Variants in GALNT13 observed in about 807,000 individuals in gnomAD.
The protein encoded by GALNT13 is polypeptide N-acetylgalactosaminyltransferase 13.
Under a neutral mutation model 64.2 loss-of-function variants are expected in GALNT13, and 28 were observed. That is an observed-to-expected ratio of 0.44 (90% confidence interval 0.32 to 0.60). GALNT13 has a LOEUF of 0.60. Among genes scored for constraint, GALNT13 ranks in the 20% least tolerant of loss-of-function variants. The probability of loss-of-function intolerance (pLI) is 0.05; values close to 1 mark genes in which losing one functional copy is unlikely to be tolerated. For missense variants in GALNT13, 577 were observed against 669.8 expected (o/e 0.86, Z 1.53); for synonymous variants, 214 against 224.6 (o/e 0.95, Z 0.42).
At chr2:153,402,776 C>G in the GALNT13 span, among the ~76,000 whole-genome samples, 704 of 152,238 alleles carry the variant, frequency 4.6e-3, 3 homozygotes, top group Middle Eastern at 0.02. Flanking sequence ...TTTTCAGCTC[C>G]ATCAGCTCCT....
At chr2:154,225,053 C>T (rs75160793) in intron 4 of GALNT13, among the ~76,000 whole-genome samples, 1 of 151,424 alleles carries the variant, frequency 6.6e-6, no homozygotes, top group Admixed American at 6.6e-5. Context: ...AACCCTCCAA[C>T]ACAATAATGA....
chr2:153,422,641 A>C, the GALNT13 span, among the ~76,000 whole-genome samples: 1 of 136,510 alleles, frequency 7.3e-6, no homozygotes, highest in Non-Finnish European at 1.7e-5. Context: ...TCACTGGCAG[A>C]TTAATAAGAG....
chr2:154,113,715 C>T (rs1035860619), intron 3 of GALNT13, among the ~76,000 whole-genome samples: 4 of 152,164 alleles, frequency 2.6e-5, no homozygotes, highest in African/African-American at 9.7e-5. Flanking sequence ...ATGTAATGGA[C>T]AAGTGTGATA....
At chr2:153,873,353 T>A (rs867435600) in intron 1 of GALNT13, among the ~76,000 whole-genome samples, 1 of 152,248 alleles carries the variant, frequency 6.6e-6, no homozygotes, top group Non-Finnish European at 1.5e-5. Context: ...CTGAGCGCAC[T>A]GAGGCTGCTA....
At chr2:154,068,614 A>C (rs1304157410) in intron 3 of GALNT13, among the ~76,000 whole-genome samples, 1 of 152,070 alleles carries the variant, frequency 6.6e-6, no homozygotes, top group Non-Finnish European at 1.5e-5. Flanking sequence ...AAGTGAAATA[A>C]GCCAGGCACT....
chr2:153,758,298 T>C, the GALNT13 span, among the ~76,000 whole-genome samples: 5 of 132,386 alleles, frequency 3.8e-5, no homozygotes, highest in African/African-American at 1.4e-4. Flanking sequence ...AGTGAATAAA[T>C]GGGGTTTTTT....
chr2:154,167,768 G>C (rs1685116749), intron 4 of GALNT13, among the ~76,000 whole-genome samples: 1 of 152,142 alleles, frequency 6.6e-6, no homozygotes, highest in Non-Finnish European at 1.5e-5. Context: ...GTTGAGGATA[G>C]AGTCCTGATA....
Position 154,372,244 on chromosome 2 carries a change from C to T in GALNT13, c.1157-23747C>T, listed in dbSNP as rs1022915319. ...CAAATTGAGTGAGATTTTATTGTCACACTATTTTGAAATTCGTCTAGTTCA... is the reference window on the plus strand; with the variant it reads ...CAAATTGAGTGAGATTTTATTGTCATACTATTTTGAAATTCGTCTAGTTCA... On this transcript the variant is annotated intron_variant, in intron 9 of 12. Coordinates refer to ENST00000392825, the MANE Select transcript of GALNT13 (RefSeq NM_052917.4). Among the ~76,000 whole-genome samples, 12 of 152,202 alleles carry T rather than the reference C, an allele frequency of 7.9e-5. No individual in the cohort carries two copies. The East Asian group carries it at 2.3e-3, about 29-fold the overall frequency.
At chr2:154,262,191 G>A (rs1167874800) in intron 8 of GALNT13, among the ~76,000 whole-genome samples, 2 of 152,102 alleles carry the variant, frequency 1.3e-5, no homozygotes, top group African/African-American at 4.8e-5. Flanking sequence ...AGTATTTATA[G>A]TAGCTAGTAA....
intron 4 of GALNT13, among the ~76,000 whole-genome samples, chr2:154,188,522 A>G (rs1287284227): frequency 1.3e-5 from 2 of 152,208 alleles, no homozygotes; most frequent in Admixed American, 1.3e-4. Flanking sequence ...AAAAGATGCT[A>G]TGATTGTGAG....
At chr2:153,731,727 G>A in the GALNT13 span, among the ~76,000 whole-genome samples, 1 of 151,872 alleles carries the variant, frequency 6.6e-6, no homozygotes, top group Non-Finnish European at 1.5e-5. Flanking sequence ...AATTGGCATA[G>A]GAAATATTTT....
At chr2:153,256,871 C>T in the GALNT13 span, among the ~76,000 whole-genome samples, 177 of 152,310 alleles carry the variant, frequency 1.2e-3, no homozygotes, top group African/African-American at 4.1e-3. Flanking sequence ...CAGACAGGGA[C>T]ATTTAAGTCT....
the GALNT13 span, among the ~76,000 whole-genome samples, chr2:153,609,810 T>C: frequency 3.9e-5 from 6 of 152,134 alleles, no homozygotes; most frequent in African/African-American, 1.4e-4. Flanking sequence ...GCACAGCAAA[T>C]GAATAAGTAG....
chr2:153,303,435 A>G, the GALNT13 span, among the ~76,000 whole-genome samples: 2 of 152,146 alleles, frequency 1.3e-5, no homozygotes, highest in Non-Finnish European at 2.9e-5. Flanking sequence ...GAATATATTC[A>G]TTCTTTCTAA....
chr2:154,208,652 G>T (rs1050710763), intron 4 of GALNT13, among the ~76,000 whole-genome samples: 4 of 136,222 alleles, frequency 2.9e-5, no homozygotes, highest in African/African-American at 1.2e-4. Flanking sequence ...GTGTGTGTGT[G>T]TGTGTGTGTG....
the GALNT13 span, among the ~76,000 whole-genome samples, chr2:153,816,396 T>G: frequency 6.6e-6 from 1 of 152,128 alleles, no homozygotes; most frequent in East Asian, 1.9e-4. Flanking sequence ...TGGTAAGCAA[T>G]GAGAAGTGGT....
chr2:154,359,188 T>A (rs10177974), intron 9 of GALNT13, among the ~76,000 whole-genome samples: 98,028 of 151,858 alleles, frequency 0.65, 32,167 homozygotes, highest in East Asian at 0.78. Flanking sequence ...CATCAGAGAT[T>A]GGAGTCTAAA....
At chr2:153,431,543 C>T in the GALNT13 span, among the ~76,000 whole-genome samples, 4 of 152,156 alleles carry the variant, frequency 2.6e-5, no homozygotes, top group Admixed American at 2.0e-4. Context: ...CCTTGGTTCT[C>T]GAGACCATGT....
chr2:153,592,947 A>T, the GALNT13 span: 1 of 152,284 alleles, frequency 6.6e-6, no homozygotes, highest in African/African-American at 2.4e-5. Flanking sequence ...GGGTCCCCAA[A>T]CAGTTCATTC....
Sources: gnomAD v4.1 joint callset for allele counts (sites outside exome capture counted in the v4.1 genomes callset) on GRCh38, gnomAD v4.1.1 for gene constraint, MANE v1.5 for transcripts, NCBI Gene and HGNC (gene_info 2026-07-23, HGNC 2026-07-21) for gene names.